TBC1D5: variants seen among roughly 807,000 people sequenced by gnomAD.
TBC1D5 encodes TBC1 domain family, member 5.
A neutral mutation model predicts 100.3 loss-of-function variants in TBC1D5; 75 were observed. That is an observed-to-expected ratio of 0.75 (90% CI 0.62 to 0.91). The LOEUF (loss-of-function observed/expected upper bound fraction) is 0.91, where lower values mean the gene tolerates loss of function less well. Ranked by LOEUF, TBC1D5 falls within the 40% of genes least tolerant of loss-of-function variation. The pLI is 0.00. For missense variants in TBC1D5, 910 were observed against 942.4 expected, an observed-to-expected ratio of 0.97 and a Z score of 0.45; for synonymous variants, 323 against 325.6, an observed-to-expected ratio of 0.99 and a Z score of 0.09.
chr3:17,206,892 T>C (rs540069424), intron 18 of TBC1D5, among the ~76,000 whole-genome samples: 9 of 152,210 alleles, frequency 5.9e-5, no homozygotes, highest in Non-Finnish European at 1.2e-4. Flanking sequence ...TGTGCTTAAA[T>C]ATTATAACTT....
chr3:17,602,240 G>A (rs1451889073), intron 2 of TBC1D5, among the ~76,000 whole-genome samples: 1 of 152,154 alleles, frequency 6.6e-6, no homozygotes, highest in Non-Finnish European at 1.5e-5. Flanking sequence ...AACCCATGTG[G>A]TGAATTAAAG....
intron 15 of TBC1D5, among the ~76,000 whole-genome samples, chr3:17,286,484 C>G (rs1241121993): frequency 6.6e-6 from 1 of 152,116 alleles, no homozygotes; most frequent in Non-Finnish European, 1.5e-5. Flanking sequence ...CTAACTTCAT[C>G]TCATGGATTG....
chr3:17,545,713 A>G (rs549010809), intron 2 of TBC1D5, among the ~76,000 whole-genome samples: 1 of 152,294 alleles, frequency 6.6e-6, no homozygotes, highest in East Asian at 1.9e-4. Flanking sequence ...ACCAACAAAA[A>G]TAAGAGACAC....
intron 3 of TBC1D5, among the ~76,000 whole-genome samples, chr3:17,457,386 T>G (rs1052065425): frequency 3.3e-5 from 5 of 152,198 alleles, no homozygotes; most frequent in Admixed American, 3.3e-4. Context: ...TATTTCTCTT[T>G]GTGTTTCAGT....
intron 2 of TBC1D5, among the ~76,000 whole-genome samples, chr3:17,599,760 C>A (rs549389853): frequency 6.6e-6 from 1 of 152,196 alleles, no homozygotes; most frequent in African/African-American, 2.4e-5. Context: ...CATGCTCCCC[C>A]TCCTGCAAGG....
rs188501578 is a variant in TBC1D5 at position 17,539,819 on chromosome 3, C to A, written c.-35-31214G>T. 2.4e-3 allele frequency among the ~76,000 whole-genome samples: 363 copies of A among 152,292 alleles called. 1 individual carries two copies. The highest frequency in any genetic ancestry group is 7.7e-3 in the African/African-American group (319 of 41,558). Reference sequence around the variant, plus strand: ...ATGAACATGGGTGTATAAATTGTCTCTTTAAGACCCTGTTTTCAACCATTT... The same window carrying A: ...ATGAACATGGGTGTATAAATTGTCTATTTAAGACCCTGTTTTCAACCATTT... On this transcript the variant is annotated intron_variant, in intron 2 of 21. Transcript: ENST00000253692.
chr3:17,736,783 G>A lies in TBC1D5; in HGVS notation c.-101+2560C>T, dbSNP rs545292997. ...TTCCAGCACTCCAGGAAGCTGGGGC[G>A]GGTGGATCACCTGAGTCAGGAGTTT... On this transcript the variant is annotated intron_variant, in intron 1 of 21. Transcript: ENST00000253692. Among the ~76,000 whole-genome samples the A allele has an allele frequency of 4.6e-5, 7 of 152,252 alleles. No individual in the cohort carries two copies. In the East Asian group the frequency reaches 5.8e-4, roughly 13 times the overall value.
At chr3:17,326,819 G>A (rs1052722718) in intron 13 of TBC1D5, among the ~76,000 whole-genome samples, 13 of 152,096 alleles carry the variant, frequency 8.5e-5, no homozygotes, top group Non-Finnish European at 1.8e-4. Context: ...AATGTCCAAC[G>A]CCAAACTCTT....
chr3:17,492,768 G>A (rs780166484), intron 3 of TBC1D5, among the ~76,000 whole-genome samples: 8 of 152,224 alleles, frequency 5.3e-5, no homozygotes, highest in East Asian at 1.9e-4. Context: ...CTTCAGCTGC[G>A]TCCCAGAGAT....
chr3:17,266,309 T>C (rs993267307), intron 15 of TBC1D5, among the ~76,000 whole-genome samples: 1 of 152,204 alleles, frequency 6.6e-6, no homozygotes, highest in African/African-American at 2.4e-5. Context: ...AATTATTCCC[T>C]TTAAAATACA....
At chr3:17,690,789 C>G (rs1004316806) in intron 1 of TBC1D5, among the ~76,000 whole-genome samples, 18 of 152,192 alleles carry the variant, frequency 1.2e-4, no homozygotes, top group African/African-American at 4.3e-4. Context: ...CATATCTCCA[C>G]CCCCATCCAT....
intron 8 of TBC1D5, among the ~76,000 whole-genome samples, chr3:17,386,289 A>T (rs1023992368): frequency 6.6e-6 from 1 of 152,098 alleles, no homozygotes; most frequent in African/African-American, 2.4e-5. Flanking sequence ...TTCTACACAC[A>T]TTGGCACAAC....
intron 3 of TBC1D5, among the ~76,000 whole-genome samples, chr3:17,449,350 T>C (rs987869739): frequency 2.0e-5 from 3 of 152,130 alleles, no homozygotes; most frequent in Non-Finnish European, 2.9e-5. Flanking sequence ...GTTTTTTTCA[T>C]ACCCTAGTGG....
intron 1 of TBC1D5, among the ~76,000 whole-genome samples, chr3:17,669,026 C>T (rs2067610692): frequency 6.6e-6 from 1 of 152,152 alleles, no homozygotes; most frequent in African/African-American, 2.4e-5. Context: ...CAAATCTCAC[C>T]TTGAATTGTA....
chr3:17,634,321 C>CT (rs1186030518), intron 1 of TBC1D5, among the ~76,000 whole-genome samples: 3 of 152,082 alleles, frequency 2.0e-5, no homozygotes, highest in Admixed American at 1.3e-4. Flanking sequence ...TAGAAGTAAC[C>CT]TAAGTTTCCA....
At chr3:17,356,668 A>T (rs1327113975) in intron 13 of TBC1D5, among the ~76,000 whole-genome samples, 10 of 152,234 alleles carry the variant, frequency 6.6e-5, no homozygotes, top group Non-Finnish European at 1.3e-4. Flanking sequence ...AAGAACATCT[A>T]GGTGAAGAGC....
chr3:17,695,686 C>T, intron 1 of TBC1D5, among the ~76,000 whole-genome samples: 1 of 152,130 alleles, frequency 6.6e-6, no homozygotes, highest in East Asian at 1.9e-4. Flanking sequence ...TTAGACAGAT[C>T]AACAAGACAG....
intron 1 of TBC1D5, among the ~76,000 whole-genome samples, chr3:17,635,718 A>C (rs73167504): frequency 0.022 from 3,409 of 152,276 alleles, 97 homozygotes; most frequent in East Asian, 0.071. Context: ...CCTAATGAAA[A>C]GGTAAAGAAC....
In TBC1D5 at chr3:17,495,698, T is replaced by C. The variant is rs1327754005; in HGVS notation, c.97+12776A>G. On this transcript the variant is annotated intron_variant, in intron 3 of 21. Coordinates refer to ENST00000253692, the Ensembl canonical transcript of TBC1D5. Reference sequence around the variant, plus strand: ...CATCTCCTTCTGCAGAGCTTTTTCATAGGCTATTAGTAAATTCTTAGGTCA... The same window carrying C: ...CATCTCCTTCTGCAGAGCTTTTTCACAGGCTATTAGTAAATTCTTAGGTCA... Among the ~76,000 whole-genome samples, 8 of 152,242 alleles carry C rather than the reference T, an allele frequency of 5.3e-5. No individual in the cohort carries two copies. In the East Asian group the frequency reaches 1.3e-3, roughly 26 times the overall value.
Sources: gnomAD v4.1 joint callset for allele counts (sites outside exome capture counted in the v4.1 genomes callset) on GRCh38, gnomAD v4.1.1 for gene constraint, MANE v1.5 for transcripts, NCBI Gene and HGNC (gene_info 2026-07-23, HGNC 2026-07-21) for gene names.